Variants in ADGRD1 observed in about 807,000 individuals in gnomAD.
ADGRD1 encodes the protein G-protein coupled receptor 133.
A neutral mutation model predicts 113.4 loss-of-function variants in ADGRD1; 77 were observed. The ratio of observed to expected loss-of-function variants is 0.68; its 90% CI spans 0.57 to 0.82. The LOEUF (loss-of-function observed/expected upper bound fraction) is 0.82, where lower values mean the gene tolerates loss of function less well. Among genes scored for constraint, ADGRD1 ranks in the 40% least tolerant of loss-of-function variants. The pLI is 0.00. For missense variants in ADGRD1, 1,036 were observed against 1,139.1 expected, an observed-to-expected ratio of 0.91 and a Z score of 1.30; for synonymous variants, 474 against 475.0, an observed-to-expected ratio of 1.00 and a Z score of 0.03.
intron 8 of ADGRD1, among the ~76,000 whole-genome samples, chr12:130,997,299 G>A (rs1372360739): frequency 2.0e-5 from 3 of 149,362 alleles, no homozygotes; most frequent in Non-Finnish European, 3.0e-5. Flanking sequence ...CTGGCCTGGC[G>A]GGGGCTGACC....
intron 13 of ADGRD1, among the ~76,000 whole-genome samples, chr12:131,019,819 CA>C (rs1879081877): frequency 2.2e-5 from 2 of 92,538 alleles, no homozygotes; most frequent in Non-Finnish European, 4.7e-5. Context: ...GGGGGTGCTC[CA>C]GGGAGATATT....
intron 8 of ADGRD1, among the ~76,000 whole-genome samples, chr12:130,997,778 C>T (rs1463202919): frequency 1.8e-4 from 27 of 151,878 alleles, no homozygotes; most frequent in African/African-American, 5.6e-4. Context: ...CAGGCAGAGA[C>T]GCTCCTCACT....
intron 13 of ADGRD1, among the ~76,000 whole-genome samples, chr12:131,044,461 G>A (rs544459941): frequency 4.0e-4 from 61 of 152,282 alleles, no homozygotes; most frequent in African/African-American, 1.3e-3. Context: ...CAAGAGACTC[G>A]CAGCTCCTGG....
In ADGRD1 at chr12:131,139,400, C is replaced by T. The variant is rs1951191401; in HGVS notation, c.*137C>T. On this transcript the variant is annotated 3_prime_UTR_variant, in exon 25 of 25. Coordinates refer to ENST00000261654, the MANE Select transcript of ADGRD1 (RefSeq NM_198827.5). ...GTGTTGTGGCCCCGAGACAGCTGTC[C>T]TCCCCTGTGACTCTGGCTGTCGGAG... 6.2e-6 allele frequency: 4 copies of T among 649,248 alleles called. No individual in the cohort carries two copies. The Admixed American group carries it at 9.2e-5, about 15-fold the overall frequency. The allele number at this position is 649,248 out of a possible 1,614,324, so 40.2% of individuals were successfully genotyped here. A position where few individuals can be genotyped will look rare whatever the true frequency, so the allele number is the denominator to read the frequency against.
In ADGRD1 at chr12:131,045,772, C is replaced by A. The variant is rs1359761341; in HGVS notation, c.1474-31029C>A. ...GGGGACAAAGCACCACAGCTGCCGGCACCAGGCGGCCAGCGAGGGAGCTGC... is the reference window on the plus strand; with the variant it reads ...GGGGACAAAGCACCACAGCTGCCGGAACCAGGCGGCCAGCGAGGGAGCTGC... On this transcript the variant is annotated intron_variant, in intron 13 of 24. Coordinates refer to ENST00000261654, the MANE Select transcript of ADGRD1 (RefSeq NM_198827.5). Among the ~76,000 whole-genome samples the A allele has an allele frequency of 2.0e-5, 3 of 152,156 alleles. No individual in the cohort carries two copies. In the East Asian group the frequency reaches 5.8e-4, roughly 29 times the overall value.
rs781621386 is a variant in ADGRD1, at chr12:131,003,211, C to T, written c.1053C>T (p.Ile351=). 33 of 1,613,800 alleles carry T rather than the reference C, an allele frequency of 2.0e-5. 1 individual carries two copies. The highest frequency in any genetic ancestry group is 1.6e-4 in the Middle Eastern group (1 of 6,084). Residue 351 remains isoleucine, a synonymous_variant, in exon 10 of 25, where the codon ATC becomes ATT. Coordinates refer to ENST00000261654, the MANE Select transcript of ADGRD1 (RefSeq NM_198827.5). This position sits in a 1 kb window ranked among gnomAD's most constrained non-coding sequence, Gnocchi z 4.8. ...ACAGCGCCGTGGTACTGAGTCTCAT[C>T]GACACTATTGACACCGTCATGGGCC... ...SEDSAVVLSL[I]DTIDTVMGHV... is the part of the protein sequence containing the mutation.
intron 13 of ADGRD1, among the ~76,000 whole-genome samples, 190 bp downstream of exon 13, chr12:131,014,530 A>G (rs530577525): frequency 4.6e-5 from 7 of 152,292 alleles, no homozygotes; most frequent in Admixed American, 3.9e-4. Flanking sequence ...GGCCCCTCGC[A>G]TAGTGCCTGG....
In ADGRD1 at chr12:131,011,038, C is replaced by T. The variant is rs540460502; in HGVS notation, c.1332-3161C>T. On this transcript the variant is annotated intron_variant, in intron 12 of 24. Transcript: ENST00000261654. ...GGGCACAGGACGGGGCGGGTGGAGGCAGGGTATAAGGGGCAGAGGAAGAGC... is the reference window on the plus strand; with the variant it reads ...GGGCACAGGACGGGGCGGGTGGAGGTAGGGTATAAGGGGCAGAGGAAGAGC... Among the ~76,000 whole-genome samples, 209 of 151,886 alleles carry T rather than the reference C, an allele frequency of 1.4e-3. 2 individuals carry two copies. Among genetic ancestry groups the T allele is most frequent in the African/African-American group, 4.8e-3 (200 of 41,412 alleles).
At chr12:130,972,920 G>A (rs1404846059) in intron 4 of ADGRD1, among the ~76,000 whole-genome samples, 6 of 152,144 alleles carry the variant, frequency 3.9e-5, no homozygotes, top group African/African-American at 1.4e-4. Flanking sequence ...GGACCAGCGG[G>A]AAATCAGAGC....
At chr12:131,118,318 TGGGGGAGGCGGGAGGGAGGGAA>T in intron 18 of ADGRD1, 45 bp from the exon 19 acceptor site, 1 of 929,364 alleles carries the variant, frequency 1.1e-6, no homozygotes, top group Non-Finnish European at 1.6e-6. Context: ...AAGGGAGGGA[TGGGGGAGGCGGGAGGGAGGGAA>T]GAAAACTGGA....
chr12:131,067,069 C>T (rs1884779701), intron 13 of ADGRD1, among the ~76,000 whole-genome samples: 1 of 151,930 alleles, frequency 6.6e-6, no homozygotes, highest in Non-Finnish European at 1.5e-5. Context: ...ATGTTAGCTT[C>T]AGGTCTGCTA....
At chr12:130,979,661 C>G (rs1872709906) in intron 4 of ADGRD1, among the ~76,000 whole-genome samples, 2 of 152,176 alleles carry the variant, frequency 1.3e-5, no homozygotes, top group South Asian at 4.1e-4. Context: ...ACCCACCGTC[C>G]CATCATGGGC....
At chr12:131,103,923 T>G (rs1219130176) in intron 15 of ADGRD1, among the ~76,000 whole-genome samples, 3 of 152,122 alleles carry the variant, frequency 2.0e-5, no homozygotes, top group Non-Finnish European at 2.9e-5. Flanking sequence ...TCCAGGCCTG[T>G]GGCTTAGGAG....
intron 15 of ADGRD1, among the ~76,000 whole-genome samples, chr12:131,095,510 G>A (rs1347038371): frequency 6.6e-6 from 1 of 152,230 alleles, no homozygotes; most frequent in Admixed American, 6.5e-5. Flanking sequence ...CCTGTCTTGG[G>A]GGATCTTCTT....
At chr12:131,097,560 A>G (rs963923560) in intron 15 of ADGRD1, among the ~76,000 whole-genome samples, 1 of 152,122 alleles carries the variant, frequency 6.6e-6, no homozygotes, top group Admixed American at 6.5e-5. Flanking sequence ...ACGGCTGCCT[A>G]CGGCCAGGGA....
intron 20 of ADGRD1, among the ~76,000 whole-genome samples, chr12:131,127,429 A>G (rs1950765348): frequency 6.6e-6 from 1 of 152,266 alleles, no homozygotes; most frequent in Non-Finnish European, 1.5e-5. Flanking sequence ...TAGCCTCCAG[A>G]GGCAAAGCAG....
At chr12:131,002,904 G>C in intron 9 of ADGRD1, 1 of 961,416 alleles carries the variant, frequency 1.0e-6, no homozygotes, top group Non-Finnish European at 1.5e-6. Flanking sequence ...AGGACCAGGA[G>C]TTGGGTCCCC....
chr12:131,031,115 G>C (rs1880681892), intron 13 of ADGRD1, among the ~76,000 whole-genome samples: 1 of 152,200 alleles, frequency 6.6e-6, no homozygotes, highest in Non-Finnish European at 1.5e-5. Context: ...GGAGCCAGGG[G>C]CTGGGCGGTC....
chr12:131,104,275 G>C (rs1005140993), intron 15 of ADGRD1, among the ~76,000 whole-genome samples: 3 of 151,776 alleles, frequency 2.0e-5, no homozygotes, highest in Non-Finnish European at 4.4e-5. Context: ...TACTTTGTGC[G>C]GGGACTGGGA....
Sources: gnomAD v4.1 joint callset for allele counts (sites outside exome capture counted in the v4.1 genomes callset) on GRCh38, gnomAD v4.1.1 for gene constraint, Gnocchi (gnomAD v3.1) non-coding constraint, MANE v1.5 for transcripts, NCBI Gene and HGNC (gene_info 2026-07-23, HGNC 2026-07-21) for gene names.